The following MEGF11 variants were observed in gnomAD, a reference collection of about 807,000 sequenced individuals.
MEGF11 encodes multiple epidermal growth factor-like domains protein 11.
MEGF11 carries 126 observed loss-of-function variants against 146.6 expected under a neutral mutation model. The ratio of observed to expected loss-of-function variants is 0.86; its 90% CI spans 0.74 to 1.00. The LOEUF is 1.00. Ranked by LOEUF, MEGF11 falls within the 50% of genes least tolerant of loss-of-function variation. The pLI is 0.00. For missense variants in MEGF11, 1,509 were observed against 1,521.2 expected, an observed-to-expected ratio of 0.99 and a Z score of 0.13; for synonymous variants, 532 against 583.4, an observed-to-expected ratio of 0.91 and a Z score of 1.27.
At chr15:65,909,665 G>T (rs1296738828) in intron 22 of MEGF11, 75 bp downstream of exon 22, 5 of 1,413,102 alleles carry the variant, frequency 3.5e-6, no homozygotes, top group Non-Finnish European at 4.8e-6. Context: ...GTCCCTTCAA[G>T]CTGGGTGCTT....
At chr15:65,986,476 C>A (rs2081860395) in intron 5 of MEGF11, among the ~76,000 whole-genome samples, 1 of 151,974 alleles carries the variant, frequency 6.6e-6, no homozygotes, top group African/African-American at 2.4e-5. Flanking sequence ...GAGAAATTTC[C>A]CACCAGAGTG....
chr15:66,178,738 C>T (rs948334225), intron 1 of MEGF11, among the ~76,000 whole-genome samples: 3 of 152,144 alleles, frequency 2.0e-5, no homozygotes, highest in Non-Finnish European at 4.4e-5. Flanking sequence ...GGTCCCAGCC[C>T]TTCAGAGGGA....
chr15:66,191,251 G>A (rs559636032), intron 1 of MEGF11, among the ~76,000 whole-genome samples: 8 of 152,330 alleles, frequency 5.3e-5, no homozygotes, highest in Non-Finnish European at 8.8e-5. Context: ...TCGGGCTGGA[G>A]GGAGGGCCGC....
chr15:66,061,460 G>A (rs922957780), intron 5 of MEGF11, among the ~76,000 whole-genome samples: 3 of 152,148 alleles, frequency 2.0e-5, no homozygotes, highest in Admixed American at 2.0e-4. Flanking sequence ...ATGGCTCCAG[G>A]CATGGGGAGA....
intron 1 of MEGF11, among the ~76,000 whole-genome samples, chr15:66,248,296 C>G (rs2092324138): frequency 1.3e-5 from 2 of 152,176 alleles, no homozygotes; most frequent in African/African-American, 4.8e-5. Flanking sequence ...TAACCCAGAC[C>G]TCTTGTTATG....
At chr15:66,154,619 G>A (rs186073836) in intron 1 of MEGF11, among the ~76,000 whole-genome samples, 3 of 152,198 alleles carry the variant, frequency 2.0e-5, no homozygotes, top group Admixed American at 1.3e-4. Flanking sequence ...AGAATGAAAG[G>A]CAAAGTGCTG....
intron 1 of MEGF11, among the ~76,000 whole-genome samples, chr15:66,218,791 C>A (rs909147265): frequency 1.3e-5 from 2 of 151,984 alleles, no homozygotes; most frequent in African/African-American, 4.8e-5. Flanking sequence ...CGGATGTTAG[C>A]CCCCATCTGT....
At chr15:66,056,105 A>G (rs1415049320) in intron 5 of MEGF11, among the ~76,000 whole-genome samples, 1 of 152,072 alleles carries the variant, frequency 6.6e-6, no homozygotes, top group Non-Finnish European at 1.5e-5. Flanking sequence ...CCCAGCTACT[A>G]TTGGGAATCT....
chr15:65,924,624 C>CTTTTTTT (rs573572484), intron 13 of MEGF11, among the ~76,000 whole-genome samples: 4 of 111,616 alleles, frequency 3.6e-5, no homozygotes, highest in Admixed American at 9.5e-5. Flanking sequence ...TGCCATAAGG[C>CTTTTTTT]TTTTTTTTTT....
At position 65,922,908 on chromosome 15, in the gene MEGF11, G is replaced by T; in HGVS notation, c.1737C>A (p.Cys579Ter). The T allele has an allele frequency of 1.2e-6, 2 of 1,613,168 alleles. No homozygotes were observed. Among genetic ancestry groups the T allele is most frequent in the South Asian group, 2.2e-5 (2 of 91,002 alleles). ...AGCAGGAGCCTCCATTCTCACAGCT[G>T]CAGGAGACAGAGCAGTTGGGGCCCC... ...GRWGPNCSVSCSCENGGSCSP... is the reference protein window; with the variant it reads ...GRWGPNCSVS The change falls in exon 14 of 26, where the codon TGC (cysteine) becomes TGA (stop). Residue 579 changes from cysteine (C) to a stop codon, truncating the protein, a stop_gained. Transcript: ENST00000395614. LOFTEE classifies it high-confidence loss of function.
intron 1 of MEGF11, among the ~76,000 whole-genome samples, chr15:66,208,880 A>C (rs796479519): frequency 6.6e-6 from 1 of 152,004 alleles, no homozygotes; most frequent in African/African-American, 2.4e-5. Context: ...TCCATCTCAA[A>C]AAAGTAAAAA....
At chr15:66,212,587 A>G (rs952143774) in intron 1 of MEGF11, among the ~76,000 whole-genome samples, 4 of 152,198 alleles carry the variant, frequency 2.6e-5, no homozygotes, top group African/African-American at 9.7e-5. Context: ...GAAGGTAATT[A>G]CATTTATTTT....
At chr15:66,030,312 T>C (rs1223366861) in intron 5 of MEGF11, among the ~76,000 whole-genome samples, 1 of 152,236 alleles carries the variant, frequency 6.6e-6, no homozygotes, top group African/African-American at 2.4e-5. Flanking sequence ...CTACCCTTCA[T>C]GGACCCATGC....
chr15:66,186,222 G>A (rs368024017), intron 1 of MEGF11, among the ~76,000 whole-genome samples: 8 of 152,230 alleles, frequency 5.3e-5, no homozygotes, highest in Non-Finnish European at 1.2e-4. Flanking sequence ...GGGAAGCAGA[G>A]AGGGTGACTC....
chr15:65,928,183 C>A (rs1047466406), intron 13 of MEGF11, among the ~76,000 whole-genome samples: 3 of 152,200 alleles, frequency 2.0e-5, no homozygotes, highest in Non-Finnish European at 4.4e-5. Flanking sequence ...AACCATATGT[C>A]AGCTTTTGAC....
chr15:66,036,198 C>T (rs547341840), intron 5 of MEGF11, among the ~76,000 whole-genome samples: 42 of 152,372 alleles, frequency 2.8e-4, no homozygotes, highest in African/African-American at 9.9e-4. Flanking sequence ...CTCAAGTCCA[C>T]GCTGCATGAT....
chr15:65,909,198 G>A, intron 22 of MEGF11, 63 bp from the exon 23 acceptor site: 1 of 1,201,436 alleles, frequency 8.3e-7, no homozygotes, highest in South Asian at 1.3e-5. Context: ...CAGGGGAAGG[G>A]GGTAGGAAGT....
At chr15:66,122,769 T>TTTTTA (rs2088097434) in intron 3 of MEGF11, among the ~76,000 whole-genome samples, 1 of 150,710 alleles carries the variant, frequency 6.6e-6, no homozygotes, top group South Asian at 2.1e-4. Flanking sequence ...TATTAAGGCT[T>TTTTTA]TTTTGTTTTG....
rs2084549697 is a variant in MEGF11 at position 66,053,714 on chromosome 15, A to ATTTTTTTTTTTTTTTTTT, written c.394+40687_394+40688insAAAAAAAAAAAAAAAAAA. On this transcript the variant is annotated intron_variant, in intron 5 of 25. Coordinates refer to ENST00000395614, the MANE Select transcript of MEGF11 (RefSeq NM_001385028.1). ...ACTCAGCTCCCCCTCCCCTGGCACC[A>ATTTTTTTTTTTTTTTTTT]ATTTTTTTTTTTTTTTTTTTTTTTT... Among the ~76,000 whole-genome samples the ATTTTTTTTTTTTTTTTTT allele has an allele frequency of 9.5e-5, 4 of 42,268 alleles. 2 individuals are homozygous for ATTTTTTTTTTTTTTTTTT. Among genetic ancestry groups the ATTTTTTTTTTTTTTTTTT allele is most frequent in the Non-Finnish European group, 1.3e-4 (2 of 15,512 alleles). The allele number at this position is 42,268 out of a possible 152,430, so 27.7% of individuals were successfully genotyped here. A position where few individuals can be genotyped will look rare whatever the true frequency, so the allele number is the denominator to read the frequency against.
Sources: allele counts gnomAD v4.1 joint callset (sites outside exome capture counted in the v4.1 genomes callset), GRCh38; gene constraint gnomAD v4.1.1; transcripts MANE v1.5; gene names NCBI Gene and HGNC (gene_info 2026-07-23, HGNC 2026-07-21).